Variants in PRSS53 observed in about 807,000 individuals in gnomAD.
PRSS53 encodes EDTP308.
Under a neutral mutation model 62.7 loss-of-function variants are expected in PRSS53, and 54 were observed. The observed-to-expected ratio is 0.86, with a 90% CI of 0.69 to 1.08. PRSS53 has a LOEUF of 1.08. PRSS53 is among the 50% of genes least tolerant of loss of function. PRSS53 has a pLI of 0.00. For missense variants in PRSS53, 688 were observed against 728.3 expected (o/e 0.94, Z 0.64); for synonymous variants, 273 against 300.0 (o/e 0.91, Z 0.93).
intron 10 of PRSS53, 37 bp from the exon 11 acceptor site, chr16:31,083,846 C>T: frequency 6.2e-7 from 1 of 1,613,950 alleles, no homozygotes; most frequent in Admixed American, 1.7e-5. Flanking sequence ...TGTCCTCATC[C>T]TCACGGCTTT....
At chr16:31,085,501 G>C (rs1482161596) in intron 6 of PRSS53, among the ~76,000 whole-genome samples, 1 of 152,098 alleles carries the variant, frequency 6.6e-6, no homozygotes, top group African/African-American at 2.4e-5. Context: ...TCCCAGCCTC[G>C]TGGGAATGCC....
In PRSS53 at chr16:31,087,887, G is replaced by A; in HGVS notation, c.59-61C>T. 4.4e-6 allele frequency: 7 copies of A among 1,605,744 alleles called. No homozygotes were observed. In the South Asian group the frequency reaches 7.8e-5, roughly 18 times the overall value. Reference sequence around the variant, plus strand: ...TCCAGGCCTGCCTAGCTTTGGGGAGGAGAGGGGATGGGCTGGGGGGCGGGC... The same window carrying A: ...TCCAGGCCTGCCTAGCTTTGGGGAGAAGAGGGGATGGGCTGGGGGGCGGGC... On this transcript the variant is annotated intron_variant, in intron 1 of 10. Transcript: ENST00000280606.
chr16:31,085,018 C>T, exon 8 of PRSS53: 1 of 1,596,670 alleles, frequency 6.3e-7, no homozygotes, highest in Non-Finnish European at 8.5e-7. Context: ...CCTCTGGGGC[C>T]TGGCGCCTGT....
At chr16:31,087,759 C>T (rs1298300978) in intron 2 of PRSS53, 47 bp downstream of exon 2, 1 of 1,614,146 alleles carries the variant, frequency 6.2e-7, no homozygotes, top group Admixed American at 1.7e-5. Context: ...ACCCCAGTCC[C>T]AACCCAGACC....
At chr16:31,088,939 T>C in exon 1 of PRSS53, 1 of 1,502,212 alleles carries the variant, frequency 6.7e-7, no homozygotes, top group Non-Finnish European at 8.9e-7. Context: ...CAGCAGTTCC[T>C]AGCTCTGGGG....
chr16:31,087,081 T>C, intron 3 of PRSS53, 183 bp from the exon 4 acceptor site: 1 of 615,620 alleles, frequency 1.6e-6, no homozygotes, highest in Non-Finnish European at 2.7e-6. Flanking sequence ...ACTACAAGCC[T>C]TGACCTCCCA....
rs2057194318 is a variant in PRSS53, at chr16:31,083,628, G to T, written c.*162C>A. The T allele has an allele frequency of 2.6e-6, 4 of 1,512,146 alleles. No homozygotes were observed. The Admixed American group carries it at 6.1e-5, about 23-fold the overall frequency. The allele number at this position is 1,512,146 out of a possible 1,614,324, so 93.7% of individuals were successfully genotyped here. A position where few individuals can be genotyped will look rare whatever the true frequency, so the allele number is the denominator to read the frequency against. On this transcript the variant is annotated 3_prime_UTR_variant, in exon 11 of 11. Transcript: ENST00000280606. The stretch of plus-strand genomic sequence containing the variant: ...AGACACCCCTGTCCTGCAGGGTGGG[G>T]AGTGGGCACCTGTGGCCCCAGGCAG...
rs149180816 is a variant in PRSS53, at chr16:31,084,792, G to A, written c.1267C>T (p.Arg423Cys). The stretch of plus-strand genomic sequence containing the variant: ...TGTGCCCACCTACCTGCTCCTGGGC[G>A]GGCCCGTCCCAGAACCCAGCCACGC... Residue 423 changes from arginine to cysteine, a missense_variant, in exon 8 of 11, where the codon CGC (arginine) becomes TGC (cysteine). Coordinates refer to ENST00000280606, the Ensembl canonical transcript of PRSS53. 739 of 1,550,370 alleles carry A rather than the reference G, an allele frequency of 4.8e-4. 9 individuals are homozygous for A. In the African/African-American group the frequency reaches 8.8e-3, roughly 18 times the overall value.
In PRSS53 at chr16:31,084,819, C is replaced by A; in HGVS notation, c.1240G>T (p.Glu414Ter). Residue 414 changes from glutamate to a stop codon, truncating the protein, a stop_gained, in exon 8 of 11, where the codon GAG becomes TAG. Coordinates refer to ENST00000280606, the Ensembl canonical transcript of PRSS53. LOFTEE classifies it high-confidence loss of function. ...GCCCGTCCCAGAACCCAGCCACGCT[C>A]CCCATCAGGCAGGTGGTGGTCAGGA... The A allele has an allele frequency of 6.5e-7, 1 of 1,541,630 alleles. No homozygotes were observed. The highest frequency in any genetic ancestry group is 8.8e-7 in the Non-Finnish European group (1 of 1,139,538).
exon 6 of PRSS53, chr16:31,086,140 T>G (rs764166819): frequency 1.2e-6 from 2 of 1,612,954 alleles, no homozygotes; most frequent in Non-Finnish European, 1.7e-6. Flanking sequence ...CTGAACCCAG[T>G]GTCCGTCAGG....
In PRSS53 at chr16:31,084,266, C is replaced by A. The variant is rs757127573; in HGVS notation, c.1495G>T (p.Gly499Ter). The change falls in exon 10 of 11, where the codon GGA becomes TGA. Residue 499 changes from glycine (G) to a stop codon, truncating the protein, a stop_gained. Coordinates refer to ENST00000280606, the Ensembl canonical transcript of PRSS53. LOFTEE classifies it high-confidence loss of function. ...CTGGCGGGGCCTTGGCAAGCATCTC[C>A]GAAGCTGTGCAGCCCGGCCAGGAAC... The A allele has an allele frequency of 1.2e-5, 19 of 1,612,466 alleles. 1 individual carries two copies. The Admixed American group carries it at 2.0e-4, about 17-fold the overall frequency.
chr16:31,087,277 G>T, intron 3 of PRSS53: 1 of 561,616 alleles, frequency 1.8e-6, no homozygotes, highest in Non-Finnish European at 3.2e-6. Context: ...GATTACAAGC[G>T]TGAGCTACTG....
At chr16:31,083,647 C>T (rs532008374) in exon 11 of PRSS53, 4 of 1,535,770 alleles carry the variant, frequency 2.6e-6, no homozygotes, top group Middle Eastern at 2.3e-4. Flanking sequence ...CCTGTGGCCC[C>T]AGGCAGGTTC....
chr16:31,088,017 C>T, intron 1 of PRSS53, 191 bp from the exon 2 acceptor site: 1 of 1,478,498 alleles, frequency 6.8e-7, no homozygotes, highest in South Asian at 1.3e-5. Flanking sequence ...TCAGTGTGCA[C>T]ACTCAGTAAT....
chr16:31,087,498 C>G, intron 3 of PRSS53, 39 bp downstream of exon 3: 1 of 1,542,722 alleles, frequency 6.5e-7, no homozygotes, highest in Non-Finnish European at 8.9e-7. Context: ...GTCCACTCCC[C>G]AGAGCCGGAG....
intron 1 of PRSS53, chr16:31,088,374 CAT>C (rs1233162209): frequency 8.7e-7 from 1 of 1,149,834 alleles, no homozygotes; most frequent in East Asian, 5.6e-5. Context: ...ACAGGCACCC[CAT>C]GAGACAGCTG....
exon 6 of PRSS53, chr16:31,086,106 T>A: frequency 5.0e-6 from 8 of 1,613,630 alleles, no homozygotes; most frequent in Non-Finnish European, 5.9e-6. Flanking sequence ...GGGCACAGCT[T>A]GATGCAAAGC....
rs775337954 is a variant in PRSS53, at chr16:31,084,941, G to C, written c.1118C>G (p.Ala373Gly). The C allele has an allele frequency of 3.2e-6, 5 of 1,546,966 alleles. No individual in the cohort carries two copies. In the South Asian group the frequency reaches 4.8e-5, roughly 15 times the overall value. The stretch of plus-strand genomic sequence containing the variant: ...GTAGCCCCCCTCAGGGTGGGTGTAG[G>C]CTCCATGCAGGATGAGCTGCTTCAG... The change falls in exon 8 of 11, where the codon GCC becomes GGC. Residue 373 changes from alanine to glycine, a missense_variant. By Grantham distance (60) the Ala-to-Gly change is moderately conservative. Transcript: ENST00000280606.
exon 10 of PRSS53, chr16:31,084,154 G>T: frequency 1.3e-6 from 2 of 1,596,396 alleles, no homozygotes; most frequent in Non-Finnish European, 1.7e-6. Context: ...CTCAGCCTCG[G>T]GCTCTGGTTC....
Sources: gnomAD v4.1 joint callset for allele counts (sites outside exome capture counted in the v4.1 genomes callset) on GRCh38, gnomAD v4.1.1 for gene constraint, MANE v1.5 for transcripts, NCBI Gene and HGNC (gene_info 2026-07-23, HGNC 2026-07-21) for gene names.